SOX5: variants seen among roughly 807,000 people sequenced by gnomAD.
The protein encoded by SOX5 is SRY-box transcription factor 5.
SOX5 carries 9 observed loss-of-function variants against 92.0 expected under a neutral mutation model. That is an observed-to-expected ratio of 0.10 (90% CI 0.06 to 0.17). The LOEUF (loss-of-function observed/expected upper bound fraction) is 0.17, where lower values mean the gene tolerates loss of function less well. SOX5 is among the 10% of genes least tolerant of loss of function. The pLI, the probability that SOX5 is intolerant of heterozygous loss-of-function variation, is 1.00. For missense variants in SOX5, 642 were observed against 944.5 expected, an observed-to-expected ratio of 0.68 and a Z score of 4.20; for synonymous variants, 344 against 336.3, an observed-to-expected ratio of 1.02 and a Z score of -0.25.
intron 4 of SOX5, among the ~76,000 whole-genome samples, chr12:24,022,623 C>T (rs907936335): frequency 6.6e-6 from 1 of 152,074 alleles, no homozygotes; most frequent in East Asian, 1.9e-4. Context: ...ATGTTTTCCA[C>T]ACTAGAGTGG....
chr12:24,257,199 G>A (rs1941340400), intron 3 of SOX5, among the ~76,000 whole-genome samples: 1 of 152,082 alleles, frequency 6.6e-6, no homozygotes, highest in Admixed American at 6.5e-5. Flanking sequence ...TCAGAGAAAG[G>A]CCTTAGGAAA....
chr12:24,353,871 C>T (rs1317838657), intron 2 of SOX5, among the ~76,000 whole-genome samples: 1 of 151,978 alleles, frequency 6.6e-6, no homozygotes, highest in Non-Finnish European at 1.5e-5. Flanking sequence ...GAACTCCTGA[C>T]CTCGTGATCC....
chr12:23,549,112 G>A (rs952410979), intron 11 of SOX5, among the ~76,000 whole-genome samples: 7 of 151,818 alleles, frequency 4.6e-5, no homozygotes, highest in Admixed American at 6.6e-5. Context: ...TTTTTCATAA[G>A]AGCAAATACT....
intron 1 of SOX5, among the ~76,000 whole-genome samples, chr12:24,553,184 A>T (rs923587207): frequency 5.3e-5 from 8 of 152,212 alleles, no homozygotes; most frequent in Non-Finnish European, 8.8e-5. Flanking sequence ...TCCCACACCA[A>T]CACCTTGTGA....
chr12:24,297,904 G>T (rs1947462228), intron 2 of SOX5, among the ~76,000 whole-genome samples: 1 of 151,858 alleles, frequency 6.6e-6, no homozygotes, highest in African/African-American at 2.4e-5. Context: ...CTTAAAATTG[G>T]CACTTCCATA....
At chr12:24,064,823 T>G (rs1395072650) in intron 4 of SOX5, among the ~76,000 whole-genome samples, 1 of 152,188 alleles carries the variant, frequency 6.6e-6, no homozygotes, top group African/African-American at 2.4e-5. Context: ...GTTCAAAATC[T>G]TCCTGCTAAT....
rs71059931 is a variant in SOX5, at chr12:23,843,554, C to CTTTTTTTTTTTTTT, written c.481+2415_481+2428dup. Among the ~76,000 whole-genome samples the CTTTTTTTTTTTTTT allele has an allele frequency of 4.9e-4, 35 of 71,332 alleles. 13 individuals are homozygous for CTTTTTTTTTTTTTT. The East Asian group carries it at 0.011, about 21-fold the overall frequency. 46.8% of individuals were successfully genotyped at this position (71,332 alleles called of 152,430 possible). ...TCAGAATATTTGACAGTCATTTCTCCTTTTTTTTTTTTTTTTTTTTTTTTT... is the reference window on the plus strand; with the variant it reads ...TCAGAATATTTGACAGTCATTTCTCCTTTTTTTTTTTTTTTTTTTTTTTTTTTTTTTTTTTTTTT... On this transcript the variant is annotated intron_variant, in intron 3 of 14. Transcript: ENST00000451604.
chr12:23,530,825 G>GCA lies in SOX5; in HGVS notation c.*3393_*3394insTG, dbSNP rs1329913315. The GCA allele has an allele frequency of 9.0e-5, 13 of 144,416 alleles. No individual in the cohort carries two copies. The highest frequency in any genetic ancestry group is 2.1e-4 in the African/African-American group (8 of 38,244). 8.9% of individuals were successfully genotyped at this position (144,416 alleles called of 1,614,324 possible). A position where few individuals can be genotyped will look rare whatever the true frequency, so the allele number is the denominator to read the frequency against. On this transcript the variant is annotated 3_prime_UTR_variant, in exon 15 of 15. Coordinates refer to ENST00000451604, the MANE Select transcript of SOX5 (RefSeq NM_006940.6). ...TGTGTGTGTGTGTGTGTGTGCGCGC[G>GCA]CGCGCGCGCGCATGTGAGAGAGAGA...
At chr12:23,777,401 A>ATATATTAAGACAGAC (rs1380601045) in intron 3 of SOX5, among the ~76,000 whole-genome samples, 16 of 152,296 alleles carry the variant, frequency 1.1e-4, no homozygotes, top group Admixed American at 4.6e-4. Context: ...AGAATATCAA[A>ATATATTAAGACAGAC]AGTTACAGGG....
chr12:23,947,243 CTAAGTT>C (rs997182780), intron 1 of SOX5, among the ~76,000 whole-genome samples: 2 of 151,732 alleles, frequency 1.3e-5, no homozygotes, highest in African/African-American at 2.4e-5. Context: ...TTTTAGATTT[CTAAGTT>C]TAAGTGGGAA....
chr12:23,740,396 G>T (rs1483640931), intron 5 of SOX5, among the ~76,000 whole-genome samples: 1 of 151,952 alleles, frequency 6.6e-6, no homozygotes, highest in Non-Finnish European at 1.5e-5. Flanking sequence ...TCATTACCCT[G>T]ACTAATTTAG....
intron 3 of SOX5, among the ~76,000 whole-genome samples, chr12:23,824,018 A>T (rs1352634454): frequency 6.6e-6 from 1 of 151,964 alleles, no homozygotes; most frequent in Non-Finnish European, 1.5e-5. Flanking sequence ...AATTTGTCTA[A>T]CCTTTTTTCA....
chr12:24,280,934 A>C (rs745752828), intron 2 of SOX5, among the ~76,000 whole-genome samples: 11 of 151,516 alleles, frequency 7.3e-5, no homozygotes, highest in Non-Finnish European at 1.5e-5. Context: ...GCAACCCAGT[A>C]CAAATGCAAA....
intron 2 of SOX5, among the ~76,000 whole-genome samples, chr12:24,318,242 T>G (rs1949889211): frequency 6.6e-6 from 1 of 152,026 alleles, no homozygotes; most frequent in East Asian, 1.9e-4. Context: ...AAACAAATAT[T>G]TCACAGCCTT....
chr12:23,539,638 T>C (rs1941484932), intron 13 of SOX5, among the ~76,000 whole-genome samples: 1 of 150,130 alleles, frequency 6.7e-6, no homozygotes, highest in Non-Finnish European at 1.5e-5. Context: ...AAAAGATGCG[T>C]GTATGTAAAG....
intron 4 of SOX5, among the ~76,000 whole-genome samples, chr12:24,041,232 G>T (rs761030345): frequency 3.3e-5 from 5 of 152,096 alleles, no homozygotes; most frequent in Non-Finnish European, 7.4e-5. Context: ...CCTGAGTTTT[G>T]CATATCATAA....
chr12:23,655,473 A>C (rs1481694623), intron 7 of SOX5, among the ~76,000 whole-genome samples: 1 of 152,180 alleles, frequency 6.6e-6, no homozygotes, highest in African/African-American at 2.4e-5. Flanking sequence ...AGTATTAGAG[A>C]GTAGGAATTT....
At chr12:23,949,470 C>T in intron 1 of SOX5, 94 bp downstream of exon 1, 3 of 1,484,004 alleles carry the variant, frequency 2.0e-6, no homozygotes, top group Admixed American at 3.4e-5. Flanking sequence ...CTCTAACAAA[C>T]ACGTTTTGGG....
intron 1 of SOX5, among the ~76,000 whole-genome samples, chr12:24,473,556 T>A (rs995382046): frequency 6.6e-6 from 1 of 152,264 alleles, no homozygotes; most frequent in African/African-American, 2.4e-5. Flanking sequence ...TATTTGAATC[T>A]GTTGTCTTCA....
Sources: gnomAD v4.1 joint callset for allele counts (sites outside exome capture counted in the v4.1 genomes callset) on GRCh38, gnomAD v4.1.1 for gene constraint, MANE v1.5 for transcripts, NCBI Gene and HGNC (gene_info 2026-07-23, HGNC 2026-07-21) for gene names.